COX7A2: variants seen among roughly 807,000 people sequenced by gnomAD.
The protein encoded by COX7A2 is cytochrome c oxidase subunit 7A2, mitochondrial.
COX7A2 carries 11 observed loss-of-function variants against 11.6 expected under a neutral mutation model. The observed-to-expected ratio is 0.95, with a 90% CI of 0.60 to 1.57. The LOEUF (loss-of-function observed/expected upper bound fraction) is 1.57. COX7A2 is among the 40% of genes most tolerant of loss of function. The pLI is 0.00. For missense variants in COX7A2, 106 were observed against 100.9 expected, an observed-to-expected ratio of 1.05 and a Z score of -0.22; for synonymous variants, 30 against 38.2, an observed-to-expected ratio of 0.78 and a Z score of 0.79.
At chr6:75,247,049 A>G (rs1401763840), upstream of COX7A2, among the ~76,000 whole-genome samples, 1 of 152,208 alleles carries the variant, frequency 6.6e-6, no homozygotes, top group Non-Finnish European at 1.5e-5. Flanking sequence ...GTAACAGTAT[A>G]ACAAAATTGG....
chr6:75,241,631 T>G (rs113077905), intron 1 of COX7A2, among the ~76,000 whole-genome samples: 2 of 152,184 alleles, frequency 1.3e-5, no homozygotes, highest in African/African-American at 4.8e-5. Flanking sequence ...AACCCAAATA[T>G]TTTCATAATA....
At chr6:75,246,456 T>C (rs900634303), upstream of COX7A2, among the ~76,000 whole-genome samples, 2 of 152,210 alleles carry the variant, frequency 1.3e-5, no homozygotes, top group Non-Finnish European at 2.9e-5. Flanking sequence ...CATCATCTCT[T>C]GTTCAGATTA....
At chr6:75,245,262 C>G (rs1019810965), upstream of COX7A2, among the ~76,000 whole-genome samples, 1 of 152,146 alleles carries the variant, frequency 6.6e-6, no homozygotes, top group Non-Finnish European at 1.5e-5. Context: ...GAGGCCGAGG[C>G]GGGCGGATCA....
intron 3 of COX7A2, among the ~76,000 whole-genome samples, chr6:75,240,043 G>A (rs1771443224): frequency 6.6e-6 from 1 of 152,094 alleles, no homozygotes. Context: ...AGAGGTTGCA[G>A]TGAGCCGAGA....
chr6:75,249,938 G>A (rs1771754044), intron 1 of COX7A2: 1 of 152,202 alleles, frequency 6.6e-6, no homozygotes, highest in South Asian at 2.1e-4. Flanking sequence ...ATCATCAAGA[G>A]AGATGTAGAT....
chr6:75,238,751 T>A (rs1644913749), intron 3 of COX7A2, among the ~76,000 whole-genome samples: 1 of 149,504 alleles, frequency 6.7e-6, no homozygotes. Flanking sequence ...AATTTCATTT[T>A]AAAAACTACT....
chr6:75,245,705 C>CT (rs1771667229), upstream of COX7A2, among the ~76,000 whole-genome samples: 1 of 152,106 alleles, frequency 6.6e-6, no homozygotes, highest in Admixed American at 6.6e-5. Flanking sequence ...TCCTCCTAAT[C>CT]TTTTTTTGAT....
rs7755634 is a variant in COX7A2, at chr6:75,248,996, C to G, written c.-44+1060G>C. Among the ~76,000 whole-genome samples, 1,195 of 152,214 alleles carry G rather than the reference C, an allele frequency of 7.9e-3. 15 individuals carry two copies. Among genetic ancestry groups the G allele is most frequent in the African/African-American group, 0.028 (1,143 of 41,538 alleles). On this transcript the variant is annotated intron_variant, in intron 1 of 4. Transcript: ENST00000370081. ...GGCCGGGCACGGATTATAGCCTCAC[C>G]CCTGTAATCCCAGCACTTTGGGAGG...
At chr6:75,249,191 C>T (rs1283774931) in intron 1 of COX7A2, among the ~76,000 whole-genome samples, 1 of 152,162 alleles carries the variant, frequency 6.6e-6, no homozygotes, top group Non-Finnish European at 1.5e-5. Flanking sequence ...GAGCCAAGAT[C>T]ACGCCACTGC....
chr6:75,244,117 A>T (rs953321268), upstream of COX7A2: 2 of 249,282 alleles, frequency 8.0e-6, no homozygotes, highest in Non-Finnish European at 1.6e-5. Context: ...AGAAGGCGTA[A>T]AACTGGGCAA....
At chr6:75,244,151 CAA>C (rs1771626695), upstream of COX7A2, 1 of 235,774 alleles carries the variant, frequency 4.2e-6, no homozygotes, top group Non-Finnish European at 8.6e-6. Context: ...AGAAACTGAA[CAA>C]AGACTGGGTT....
upstream of COX7A2, chr6:75,243,830 T>G (rs1374413622): frequency 1.9e-6 from 3 of 1,613,810 alleles, no homozygotes; most frequent in Non-Finnish European, 8.5e-7. Flanking sequence ...TGCGTATGCA[T>G]TCACGAACTT....
At chr6:75,243,982 A>T, upstream of COX7A2, 1 of 641,148 alleles carries the variant, frequency 1.6e-6, no homozygotes, top group Non-Finnish European at 2.7e-6. Flanking sequence ...TTCGATGTTC[A>T]GTAGGCTGGT....
At chr6:75,241,055 T>G (rs1029233995) in intron 2 of COX7A2, 121 bp downstream of exon 2, 1 of 1,323,234 alleles carries the variant, frequency 7.6e-7, no homozygotes, top group African/African-American at 1.4e-5. Flanking sequence ...TGTCCTTGAC[T>G]TTTTTTGTAA....
chr6:75,240,143 ATCAG>A, intron 3 of COX7A2, 154 bp downstream of exon 3: 1 of 644,456 alleles, frequency 1.6e-6, no homozygotes, highest in Non-Finnish European at 2.7e-6. Context: ...TACAGTATGT[ATCAG>A]TCACCCTCTT....
At chr6:75,244,519 A>G (rs958848137), upstream of COX7A2, among the ~76,000 whole-genome samples, 7 of 152,222 alleles carry the variant, frequency 4.6e-5, no homozygotes, top group African/African-American at 1.4e-4. Flanking sequence ...AGAGAAGCAC[A>G]GCAATTATTT....
intron 1 of COX7A2, 125 bp downstream of exon 1, chr6:75,243,592 G>A (rs1210579266): frequency 2.0e-5 from 16 of 814,506 alleles, no homozygotes; most frequent in Non-Finnish European, 3.0e-5. Context: ...AAAAGGACAC[G>A]AATCAAGGTG....
Position 75,241,196 on chromosome 6 carries a change from C to A in COX7A2, c.88G>T (p.Glu30Ter). The A allele has an allele frequency of 2.5e-6, 4 of 1,597,928 alleles. No homozygotes were observed. The highest frequency in any genetic ancestry group is 3.4e-6 in the Non-Finnish European group (4 of 1,167,824). The change falls in exon 2 of 4, where the codon GAG becomes TAG. Residue 30 changes from glutamate to a stop codon, truncating the protein, a stop_gained. Transcript: ENST00000684430. LOFTEE classifies it high-confidence loss of function. Reference protein sequence around the residue: ...SRRHFKNKVPEKQKLFQEDDE... With the variant: ...SRRHFKNKVP ...AGTACCTGGAACAGTTTTTGCTTCT[C>A]CGGAACTTTATTTTTAAAATGCCTG...
chr6:75,239,289 G>GCA (rs1771416981), intron 3 of COX7A2, among the ~76,000 whole-genome samples: 1 of 152,152 alleles, frequency 6.6e-6, no homozygotes, highest in African/African-American at 2.4e-5. Context: ...CCAGTAGATA[G>GCA]TGTGGAAACT....
Sources: allele counts gnomAD v4.1 joint callset (sites outside exome capture counted in the v4.1 genomes callset), GRCh38; gene constraint gnomAD v4.1.1; transcripts MANE v1.5; gene names NCBI Gene and HGNC (gene_info 2026-07-23, HGNC 2026-07-21).